AACS: variants seen among roughly 807,000 people sequenced by gnomAD.
The protein encoded by AACS is acetoacetyl-CoA synthetase, also known as acetoacetate-CoA ligase.
In AACS, 69 loss-of-function variants were observed where a neutral mutation model predicts 83.1. That is an observed-to-expected ratio of 0.83 (90% CI 0.68 to 1.01). The LOEUF is 1.01. Among genes scored for constraint, AACS ranks in the 50% least tolerant of loss-of-function variants. The pLI is 0.00. For missense variants in AACS, 866 were observed against 882.2 expected (o/e 0.98, Z 0.23); for synonymous variants, 333 against 343.4 (o/e 0.97, Z 0.33).
Position 125,142,524 on chromosome 12 carries a change from G to T in AACS, c.*295G>T. The T allele has an allele frequency of 3.1e-6, 1 of 323,142 alleles. No individual in the cohort carries two copies. The highest frequency in any genetic ancestry group is 5.8e-6 in the Non-Finnish European group (1 of 173,722). The allele number at this position is 323,142 out of a possible 1,614,324, so 20.0% of individuals were successfully genotyped here. A position where few individuals can be genotyped will look rare whatever the true frequency, so the allele number is the denominator to read the frequency against. On this transcript the variant is annotated 3_prime_UTR_variant, in exon 18 of 18. Transcript: ENST00000316519. ...CAGTGCAGCGGGAACGGTGGGGCTG[G>T]CTGGTGCTGAAGACAGACACACTCC...
In AACS at chr12:125,113,636, A is replaced by G. The variant is rs1400893862; in HGVS notation, c.916-841A>G. 6.6e-6 allele frequency among the ~76,000 whole-genome samples: 1 copy of G among 152,226 alleles called. No individual in the cohort carries two copies. Among genetic ancestry groups the G allele is most frequent in the African/African-American group, 2.4e-5 (1 of 41,468 alleles). ...GAGGGAGCTCCCGGCATGCCAAGGA[A>G]GAGCTCCCAGGTGTGCTGTTAGGTG... On this transcript the variant is annotated intron_variant, in intron 8 of 17. Coordinates refer to ENST00000316519, the MANE Select transcript of AACS (RefSeq NM_023928.5). This position sits in a 1 kb window ranked among gnomAD's most constrained non-coding sequence, Gnocchi z 4.8.
intron 17 of AACS, chr12:125,138,940 C>T (rs538651394): frequency 1.9e-5 from 2 of 105,784 alleles, no homozygotes; most frequent in South Asian, 7.0e-4. Context: ...AAGAGGACAA[C>T]TGAGGTCTCA....
chr12:125,134,732 A>T, intron 15 of AACS, 62 bp from the exon 16 acceptor site: 1 of 1,585,732 alleles, frequency 6.3e-7, no homozygotes, highest in Non-Finnish European at 8.7e-7. Context: ...CTCCCGTGGG[A>T]CCCCTGGGAC....
intron 5 of AACS, 27 bp downstream of exon 5, chr12:125,091,550 G>T (rs751464399): frequency 1.2e-6 from 2 of 1,607,898 alleles, no homozygotes; most frequent in South Asian, 1.1e-5. Context: ...GACAGAGGGG[G>T]CACCCCTTGC....
chr12:125,073,616 A>G (rs539723621), intron 1 of AACS, among the ~76,000 whole-genome samples: 21 of 152,328 alleles, frequency 1.4e-4, no homozygotes, highest in African/African-American at 4.8e-4. Context: ...TCTAGAGTCT[A>G]TGTTCTTAGG....
chr12:125,071,961 G>A (rs1035360015), intron 1 of AACS, among the ~76,000 whole-genome samples: 1 of 152,066 alleles, frequency 6.6e-6, no homozygotes, highest in Non-Finnish European at 1.5e-5. Context: ...GTGTTCAAGA[G>A]ATTCTCCTGC....
In AACS at chr12:125,114,521, C is replaced by T; in HGVS notation, c.960C>T (p.Asn320=). ...TGAAGGAGCACCTGCTGCACGGCAA[C>T]ATGACCAGCAGTGACATCCTCCTGT... ...QHLKEHLLHG[N]MTSSDILLCY... is the part of the protein sequence containing the mutation. The change falls in exon 9 of 18, where the codon AAC becomes AAT. Residue 320 remains asparagine, a synonymous_variant. Coordinates refer to ENST00000316519, the MANE Select transcript of AACS (RefSeq NM_023928.5). 6.2e-7 allele frequency: 1 copy of T among 1,613,524 alleles called. No homozygotes were observed. Among genetic ancestry groups the T allele is most frequent in the Non-Finnish European group, 8.5e-7 (1 of 1,179,782 alleles).
intron 7 of AACS, among the ~76,000 whole-genome samples, chr12:125,103,880 C>T (rs1434159111): frequency 2.1e-5 from 3 of 144,450 alleles, no homozygotes; most frequent in Admixed American, 7.2e-5. Context: ...CCCAGCTACT[C>T]GGGAGGCTGA....
chr12:125,115,712 G>C (rs917621881), intron 9 of AACS, among the ~76,000 whole-genome samples: 1 of 151,958 alleles, frequency 6.6e-6, no homozygotes, highest in African/African-American at 2.4e-5. Flanking sequence ...ACAGGTGCAG[G>C]AGAGTATCAG....
At chr12:125,086,610 T>G (rs898004728) in intron 4 of AACS, among the ~76,000 whole-genome samples, 167 bp downstream of exon 4, 1 of 152,206 alleles carries the variant, frequency 6.6e-6, no homozygotes, top group Admixed American at 6.5e-5. Flanking sequence ...CAAGGAAAAT[T>G]GCTGAAAGAA....
intron 3 of AACS, among the ~76,000 whole-genome samples, chr12:125,082,620 A>C (rs1302475474): frequency 6.6e-6 from 1 of 151,792 alleles, no homozygotes; most frequent in African/African-American, 2.4e-5. Context: ...CAGGAGTTCG[A>C]GACCAGCCTG....
At chr12:125,073,411 A>T (rs548297077) in intron 1 of AACS, among the ~76,000 whole-genome samples, 1 of 152,304 alleles carries the variant, frequency 6.6e-6, no homozygotes, top group East Asian at 1.9e-4. Flanking sequence ...TGTATGGTAT[A>T]ATAATGGTGA....
chr12:125,102,932 G>GAA (rs60237232), intron 6 of AACS, 68 bp from the exon 7 acceptor site: 161 of 1,226,616 alleles, frequency 1.3e-4, no homozygotes, highest in African/African-American at 3.5e-4. Context: ...ATATTTTGTG[G>GAA]AAAAAAAAAA....
intron 6 of AACS, 62 bp downstream of exon 6, chr12:125,102,855 C>T: frequency 1.3e-6 from 2 of 1,520,790 alleles, no homozygotes; most frequent in Non-Finnish European, 1.8e-6. Context: ...ACATAAGAGT[C>T]TGCCAGGAGT....
chr12:125,084,528 C>A (rs1227119713), intron 3 of AACS, among the ~76,000 whole-genome samples: 3 of 151,810 alleles, frequency 2.0e-5, no homozygotes, highest in Non-Finnish European at 2.9e-5. Context: ...CTCAGCCTCC[C>A]AAGCAGCTAG....
At chr12:125,073,628 A>T (rs988979752) in intron 1 of AACS, among the ~76,000 whole-genome samples, 1 of 152,196 alleles carries the variant, frequency 6.6e-6, no homozygotes, top group African/African-American at 2.4e-5. Flanking sequence ...GTTCTTAGGC[A>T]TGGTAGTTAA....
At chr12:125,120,349 C>G in intron 10 of AACS, 1 of 152,168 alleles carries the variant, frequency 6.6e-6, no homozygotes, top group East Asian at 1.9e-4. Flanking sequence ...AACAACCATG[C>G]TCTGTCCTAA....
intron 8 of AACS, among the ~76,000 whole-genome samples, chr12:125,111,673 C>T (rs987731594): frequency 6.6e-6 from 1 of 152,156 alleles, no homozygotes; most frequent in Non-Finnish European, 1.5e-5. Flanking sequence ...GGGTGGGGTT[C>T]TGTTACTGGT....
chr12:125,070,293 A>G (rs1050455579), intron 1 of AACS, among the ~76,000 whole-genome samples: 1 of 152,168 alleles, frequency 6.6e-6, no homozygotes, highest in Non-Finnish European at 1.5e-5. Flanking sequence ...ATCTGGTGCC[A>G]TCTATTGGAG....
Sources: allele counts gnomAD v4.1 joint callset (sites outside exome capture counted in the v4.1 genomes callset), GRCh38; gene constraint gnomAD v4.1.1; non-coding constraint Gnocchi (gnomAD v3.1); transcripts MANE v1.5; gene names NCBI Gene and HGNC (gene_info 2026-07-23, HGNC 2026-07-21).